FAM178B: variants seen among roughly 807,000 people sequenced by gnomAD.
FAM178B encodes protein FAM178B.
A neutral mutation model predicts 91.7 loss-of-function variants in FAM178B; 82 were observed. The ratio of observed to expected loss-of-function variants is 0.89; its 90% CI spans 0.75 to 1.07. The LOEUF is 1.07. Among genes scored for constraint, FAM178B ranks in the 50% least tolerant of loss-of-function variants. FAM178B has a pLI of 0.00. For synonymous variants in FAM178B, 368 were observed against 359.4 expected (o/e 1.02, Z -0.27); for missense variants, 769 against 846.7 (o/e 0.91, Z 1.14).
chr2:96,937,926 G>A (rs1352797492), intron 8 of FAM178B, among the ~76,000 whole-genome samples: 2 of 152,148 alleles, frequency 1.3e-5, no homozygotes, highest in Non-Finnish European at 2.9e-5. Context: ...CACTCAGGAC[G>A]CTGAGGCAGG....
intron 12 of FAM178B, among the ~76,000 whole-genome samples, 196 bp downstream of exon 12, chr2:96,920,969 G>C (rs548770499): frequency 5.3e-5 from 8 of 152,160 alleles, no homozygotes; most frequent in Non-Finnish European, 8.8e-5. Flanking sequence ...TTGCTAATAA[G>C]ACCATGTTAA....
chr2:96,972,343 T>G (rs1031910168), intron 2 of FAM178B, 21 bp from the exon 3 acceptor site: 39 of 1,467,642 alleles, frequency 2.7e-5, no homozygotes, highest in African/African-American at 5.7e-5. Context: ...GACAGAATAC[T>G]GTGGTCCCTC....
At position 96,947,926 on chromosome 2, in the gene FAM178B, AC is replaced by A. The variant is rs755282720; in HGVS notation, c.994-25del. 8.9e-5 allele frequency: 120 copies of A among 1,354,710 alleles called. No homozygotes were observed. The African/African-American group carries it at 1.5e-3, about 17-fold the overall frequency. The allele number at this position is 1,354,710 out of a possible 1,614,324, so 83.9% of individuals were successfully genotyped here. The stretch of plus-strand genomic sequence containing the variant: ...AGCTAGGTGGAAAAAAAAAACAAAA[AC>A]AAAAACCTGGTGAGCTGGGTCATTC... On this transcript the variant is annotated intron_variant, in intron 7 of 16. Transcript: ENST00000490605.
chr2:96,906,607 C>A lies in FAM178B; in HGVS notation c.1563-3900G>T, dbSNP rs143882667. 2.0e-5 allele frequency among the ~76,000 whole-genome samples: 3 copies of A among 152,298 alleles called. No homozygotes were observed. The East Asian group carries it at 5.8e-4, about 29-fold the overall frequency. On this transcript the variant is annotated intron_variant, in intron 12 of 16. Coordinates refer to ENST00000490605, the MANE Select transcript of FAM178B (RefSeq NM_001122646.3). Reference sequence around the variant, plus strand: ...AGCACTGAGGAAAGGCAGCGCCCACCCGGACTGAACCATGGGATAACTAAC... The same window carrying A: ...AGCACTGAGGAAAGGCAGCGCCCACACGGACTGAACCATGGGATAACTAAC...
chr2:96,883,539 G>A (rs920697202), intron 14 of FAM178B, among the ~76,000 whole-genome samples: 2 of 152,234 alleles, frequency 1.3e-5, no homozygotes, highest in African/African-American at 4.8e-5. Context: ...CAGACCGGGT[G>A]GGGAAGGCAG....
At chr2:96,890,361 C>T (rs550326775) in intron 14 of FAM178B, among the ~76,000 whole-genome samples, 3 of 151,994 alleles carry the variant, frequency 2.0e-5, no homozygotes, top group East Asian at 1.9e-4. Context: ...CTACTTGGGA[C>T]GCTGAGGTAG....
At chr2:96,967,736 G>A (rs905933094) in intron 4 of FAM178B, 109 bp from the exon 5 acceptor site, 8 of 735,868 alleles carry the variant, frequency 1.1e-5, no homozygotes, top group East Asian at 2.7e-5. Flanking sequence ...AGAGGGCTGC[G>A]CCGTCCTGGC....
intron 14 of FAM178B, among the ~76,000 whole-genome samples, chr2:96,888,703 A>G (rs962076005): frequency 4.6e-5 from 7 of 152,226 alleles, no homozygotes; most frequent in African/African-American, 1.7e-4. Context: ...CTATCAACAC[A>G]CGCGGCACAC....
At chr2:96,903,064 G>T (rs568509758) in intron 12 of FAM178B, among the ~76,000 whole-genome samples, 3 of 152,236 alleles carry the variant, frequency 2.0e-5, no homozygotes, top group African/African-American at 7.2e-5. Context: ...TTTTGAGACG[G>T]AGTCTCGCTC....
intron 1 of FAM178B, among the ~76,000 whole-genome samples, chr2:96,985,917 C>G (rs2082417225): frequency 1.3e-5 from 2 of 152,202 alleles, no homozygotes; most frequent in African/African-American, 4.8e-5. Context: ...AAAGAAAACA[C>G]CAGCTACCCT....
chr2:96,911,479 G>A lies in FAM178B; in HGVS notation c.1563-8772C>T, dbSNP rs563139589. On this transcript the variant is annotated intron_variant, in intron 12 of 16. Coordinates refer to ENST00000490605, the MANE Select transcript of FAM178B (RefSeq NM_001122646.3). The stretch of plus-strand genomic sequence containing the variant: ...AAGCCTGCAGGGAGCAGGGTGGCAT[G>A]TGAGCCTGGGAAAGGGGGCACCAAT... Among the ~76,000 whole-genome samples, 305 of 152,334 alleles carry A rather than the reference G, an allele frequency of 2.0e-3. 3 individuals carry two copies. The highest frequency in any genetic ancestry group is 7.1e-3 in the African/African-American group (294 of 41,574).
chr2:96,975,052 C>T (rs2082271575), intron 1 of FAM178B, among the ~76,000 whole-genome samples: 2 of 130,632 alleles, frequency 1.5e-5, no homozygotes, highest in South Asian at 4.7e-4. Context: ...GATCGTGCCA[C>T]TGCACTCTAT....
At chr2:96,945,371 C>T (rs952843178) in intron 8 of FAM178B, among the ~76,000 whole-genome samples, 2 of 57,136 alleles carry the variant, frequency 3.5e-5, no homozygotes, top group Non-Finnish European at 7.9e-5. Context: ...GTCCTGGTCC[C>T]CTCAACTCTT....
intron 14 of FAM178B, among the ~76,000 whole-genome samples, chr2:96,885,014 G>A (rs1446001277): frequency 2.0e-5 from 3 of 152,210 alleles, no homozygotes; most frequent in East Asian, 1.9e-4. Flanking sequence ...GAGAGCAGAC[G>A]TCTTAGCCAG....
intron 1 of FAM178B, among the ~76,000 whole-genome samples, chr2:96,973,710 T>C (rs1329485259): frequency 6.6e-6 from 1 of 152,170 alleles, no homozygotes; most frequent in Non-Finnish European, 1.5e-5. Context: ...TAAAATTTTA[T>C]AATAATGAGG....
At chr2:96,921,340 G>C in intron 11 of FAM178B, 78 bp from the exon 12 acceptor site, 1 of 1,506,814 alleles carries the variant, frequency 6.6e-7, no homozygotes, top group East Asian at 2.5e-5. Context: ...CCGCACAGGG[G>C]AGTAAGTGGG....
Position 96,905,814 on chromosome 2 carries a change from GTGTGTA to G in FAM178B, c.1563-3113_1563-3108del, listed in dbSNP as rs1362541025. Among the ~76,000 whole-genome samples, 7 of 34,486 alleles carry G rather than the reference GTGTGTA, an allele frequency of 2.0e-4. 1 individual carries two copies. The highest frequency in any genetic ancestry group is 7.9e-4 in the African/African-American group (7 of 8,874). 22.6% of individuals were successfully genotyped at this position (34,486 alleles called of 152,430 possible). ...TATATACACAAAAATATACATATATGTGTGTATATATATATATATATATATATATAT... is the reference window on the plus strand; with the variant it reads ...TATATACACAAAAATATACATATATGTATATATATATATATATATATATAT... On this transcript the variant is annotated intron_variant, in intron 12 of 16. Transcript: ENST00000490605.
chr2:96,893,082 A>G (rs1276991922), intron 14 of FAM178B, among the ~76,000 whole-genome samples: 1 of 152,220 alleles, frequency 6.6e-6, no homozygotes, highest in East Asian at 1.9e-4. Flanking sequence ...TCTGATTTGC[A>G]GAGTGATGCC....
At chr2:96,934,624 G>C (rs1016357461) in intron 8 of FAM178B, among the ~76,000 whole-genome samples, 7 of 152,170 alleles carry the variant, frequency 4.6e-5, no homozygotes, top group Admixed American at 4.6e-4. Context: ...GATGCAGGCA[G>C]ACCGGCGTTC....
Sources: gnomAD v4.1 joint callset for allele counts (sites outside exome capture counted in the v4.1 genomes callset) on GRCh38, gnomAD v4.1.1 for gene constraint, MANE v1.5 for transcripts, NCBI Gene and HGNC (gene_info 2026-07-23, HGNC 2026-07-21) for gene names.